Variants in PFKM observed in about 807,000 individuals in gnomAD.
PFKM encodes phosphofructokinase, muscle, also known as ATP-dependent 6-phosphofructokinase, muscle type.
Under a neutral mutation model 95.5 loss-of-function variants are expected in PFKM, and 58 were observed. The observed-to-expected ratio is 0.61, with a 90% CI of 0.49 to 0.76. The LOEUF (loss-of-function observed/expected upper bound fraction) is 0.76, where lower values mean the gene tolerates loss of function less well. Among genes scored for constraint, PFKM ranks in the 30% least tolerant of loss-of-function variants. The pLI is 0.00. For missense variants in PFKM, 678 were observed against 1,005.4 expected, an observed-to-expected ratio of 0.67 and a Z score of 4.40; for synonymous variants, 336 against 357.2, an observed-to-expected ratio of 0.94 and a Z score of 0.67.
intron 2 of PFKM, among the ~76,000 whole-genome samples, chr12:48,123,744 T>TG (rs1948540026): frequency 6.6e-6 from 1 of 152,184 alleles, no homozygotes; most frequent in South Asian, 2.1e-4. Context: ...CTGTCTTGTA[T>TG]GTTTTGAAGA....
chr12:48,121,209 G>A (rs1565858725), intron 1 of PFKM, among the ~76,000 whole-genome samples: 4 of 152,214 alleles, frequency 2.6e-5, no homozygotes, highest in Admixed American at 2.0e-4. Context: ...AATGGGATGT[G>A]AATCTGTGGA....
rs748894035 is a variant in PFKM, at chr12:48,143,829, G to T, written c.1880+15G>T. ...TTGGTGTTAAGGTACCTCATCCATGGTTTGTTCCTAAATGAAGAAGAAAAA... is the reference window on the plus strand; with the variant it reads ...TTGGTGTTAAGGTACCTCATCCATGTTTTGTTCCTAAATGAAGAAGAAAAA... On this transcript the variant is annotated intron_variant, in intron 19 of 22. Transcript: ENST00000359794. 6.2e-7 allele frequency: 1 copy of T among 1,600,616 alleles called. No homozygotes were observed. The highest frequency in any genetic ancestry group is 1.1e-5 in the South Asian group (1 of 90,808).
chr12:48,133,486 G>A lies in PFKM; in HGVS notation c.593+6G>A. On this transcript the variant is annotated splice_donor_region_variant and intron_variant, in intron 6 of 22. Transcript: ENST00000359794. ...ATCACTACCACTGCCCAGAGGTAAG[G>A]GGACTTGGGAGGTAGGCAGTGTAAG... The A allele has an allele frequency of 1.9e-6, 3 of 1,613,640 alleles. 1 individual carries two copies. The highest frequency in any genetic ancestry group is 2.2e-5 in the South Asian group (2 of 91,086).
At chr12:48,118,028 G>C (rs1403447920), upstream of PFKM, among the ~76,000 whole-genome samples, 2 of 152,208 alleles carry the variant, frequency 1.3e-5, no homozygotes, top group Non-Finnish European at 2.9e-5. Context: ...GAGGACCAAG[G>C]TTTTATCAGG....
In PFKM at chr12:48,134,260, A is replaced by G; in HGVS notation, c.622A>G (p.Met208Val). Residue 208 changes from methionine (M) to valine (V), a missense_variant, in exon 7 of 23, where the codon ATG (methionine) becomes GTG (valine). By Grantham distance (21) the Met-to-Val change is conservative (BLOSUM62 1). Transcript: ENST00000359794. ...CCAGAGGACATTTGTGTTAGAAGTA[A>G]TGGGCCGCCACTGTGGGTAAGATCC... ...SHQRTFVLEV[M>V]GRHCGYLALV... The G allele has an allele frequency of 1.2e-6, 2 of 1,613,880 alleles. No individual in the cohort carries two copies. The highest frequency in any genetic ancestry group is 1.7e-6 in the Non-Finnish European group (2 of 1,179,744).
intron 10 of PFKM, among the ~76,000 whole-genome samples, chr12:48,136,315 T>G (rs1395164690): frequency 6.6e-6 from 1 of 152,244 alleles, no homozygotes; most frequent in Non-Finnish European, 1.5e-5. Context: ...TTTTTTCCAC[T>G]CAGCATAATT....
At chr12:48,122,661 G>A in intron 1 of PFKM, 106 bp from the exon 2 acceptor site, 1 of 1,566,526 alleles carries the variant, frequency 6.4e-7, no homozygotes, top group Non-Finnish European at 8.6e-7. Flanking sequence ...TTGGTATAGT[G>A]GGAGAGCCTG....
upstream of PFKM, chr12:48,118,484 T>C: frequency 1.4e-6 from 2 of 1,457,346 alleles, no homozygotes; most frequent in Non-Finnish European, 1.9e-6. Flanking sequence ...TGTGCCAGAA[T>C]GTGCAGAGGT....
chr12:48,111,406 G>C (rs1175594998), intron 3 of PFKM, among the ~76,000 whole-genome samples: 1 of 152,216 alleles, frequency 6.6e-6, no homozygotes, highest in Admixed American at 6.5e-5. Context: ...AATGATGGAG[G>C]ACCTTTGCGT....
In PFKM at chr12:48,107,349, CTG is replaced by C. The variant is rs766606347; in HGVS notation, c.-9-14_-9-13del. The C allele has an allele frequency of 7.3e-6, 11 of 1,515,848 alleles. No individual in the cohort carries two copies. The South Asian group carries it at 7.9e-5, about 11-fold the overall frequency. 93.9% of individuals were successfully genotyped at this position (1,515,848 alleles called of 1,614,324 possible). A position where few individuals can be genotyped will look rare whatever the true frequency, so the allele number is the denominator to read the frequency against. ...CAGCTCTGTTCGTTTGGATTAAACT[CTG>C]TCTCTATTTCTAGGAGGCAGCCATG... On this transcript the variant is annotated splice_polypyrimidine_tract_variant and intron_variant, in intron 1 of 24. Coordinates refer to the PFKM transcript ENST00000340802.
chr12:48,120,021 C>G (rs973362998), intron 1 of PFKM: 1 of 152,134 alleles, frequency 6.6e-6, no homozygotes, highest in African/African-American at 2.4e-5. Context: ...ATTCTGCCCC[C>G]GTCATGAGCT....
intron 1 of PFKM, among the ~76,000 whole-genome samples, chr12:48,122,218 A>G (rs1339238456): frequency 1.3e-5 from 2 of 152,178 alleles, no homozygotes; most frequent in African/African-American, 2.4e-5. Context: ...TTATAGCCTC[A>G]GACTCCAGTT....
upstream of PFKM, chr12:48,118,372 T>G: frequency 1.5e-6 from 1 of 646,632 alleles, no homozygotes; most frequent in Admixed American, 2.4e-5. Context: ...ATTCTGTGGG[T>G]TGTCTTTCCA....
In PFKM at chr12:48,135,042, C is replaced by T. The variant is rs1197938430; in HGVS notation, c.843+4C>T. 5.6e-6 allele frequency: 9 copies of T among 1,602,336 alleles called. No homozygotes were observed. Among genetic ancestry groups the T allele is most frequent in the African/African-American group, 1.3e-5 (1 of 74,656 alleles). Reference sequence around the variant, plus strand: ...CACCTCAGAAGACATCAAGAATGTTCGTATGAATGAAGCCAGAGAGGCCTT... The same window carrying T: ...CACCTCAGAAGACATCAAGAATGTTTGTATGAATGAAGCCAGAGAGGCCTT... On this transcript the variant is annotated splice_donor_region_variant and intron_variant, in intron 9 of 22. Transcript: ENST00000359794.
chr12:48,140,754 G>T lies in PFKM; in HGVS notation c.1224G>T (p.Val408=), dbSNP rs762040245. ...SGSHTVAVMN[V]GAPAAGMNAA... Reference sequence around the variant, plus strand: ...CGCACACAGTGGCTGTGATGAACGTGGGGGCTCCGGCTGCAGGCATGAATG... The same window carrying T: ...CGCACACAGTGGCTGTGATGAACGTTGGGGCTCCGGCTGCAGGCATGAATG... The change falls in exon 14 of 23, where the codon GTG becomes GTT. Residue 408 remains valine (V), a synonymous_variant. Transcript: ENST00000359794. The T allele has an allele frequency of 1.2e-6, 2 of 1,614,188 alleles. No individual in the cohort carries two copies. Among genetic ancestry groups the T allele is most frequent in the East Asian group, 2.2e-5 (1 of 44,878 alleles).
chr12:48,108,149 A>G (rs567815273), exon 3 of PFKM: 2 of 1,598,542 alleles, frequency 1.3e-6, no homozygotes, highest in Non-Finnish European at 1.7e-6. Context: ...TCTAGATACT[A>G]TGGATGATCC....
chr12:48,124,991 G>C lies in PFKM; in HGVS notation c.85+2132G>C, dbSNP rs529058524. 1.1e-3 allele frequency among the ~76,000 whole-genome samples: 175 copies of C among 152,208 alleles called. 1 individual carries two copies. Among genetic ancestry groups the C allele is most frequent in the Non-Finnish European group, 1.7e-3 (113 of 68,004 alleles). On this transcript the variant is annotated intron_variant, in intron 2 of 22. Coordinates refer to ENST00000359794, the MANE Select transcript of PFKM (RefSeq NM_000289.6). ...GTGGGCCACATGGGAAAGTGAGATT[G>C]AGCTGTGTAAAATCCATAGAGGTCA...
At chr12:48,106,416 C>T (rs1335817149) in intron 1 of PFKM, 1 of 455,580 alleles carries the variant, frequency 2.2e-6, no homozygotes, top group Non-Finnish European at 3.9e-6. Flanking sequence ...TTCCAGTTTC[C>T]ATGGCAGCTT....
chr12:48,133,227 G>T, intron 5 of PFKM, 88 bp from the exon 6 acceptor site: 1 of 1,337,688 alleles, frequency 7.5e-7, no homozygotes, highest in Non-Finnish European at 1.1e-6. Flanking sequence ...AATTCCTTTT[G>T]GCTAGAGTTT....
Sources: gnomAD v4.1 joint callset for allele counts (sites outside exome capture counted in the v4.1 genomes callset) on GRCh38, gnomAD v4.1.1 for gene constraint, MANE v1.5 for transcripts, NCBI Gene and HGNC (gene_info 2026-07-23, HGNC 2026-07-21) for gene names.